The following POSTN variants were observed in gnomAD, a reference collection of about 807,000 sequenced individuals.
The protein encoded by POSTN is periostin.
POSTN carries 71 observed loss-of-function variants against 104.5 expected under a neutral mutation model. That is an observed-to-expected ratio of 0.68 (90% CI 0.56 to 0.83). The LOEUF (loss-of-function observed/expected upper bound fraction) is 0.83, where lower values mean the gene tolerates loss of function less well. Ranked by LOEUF, POSTN falls within the 40% of genes least tolerant of loss-of-function variation. The pLI is 0.00. For missense variants in POSTN, 949 were observed against 1,006.8 expected (o/e 0.94, Z 0.78); for synonymous variants, 355 against 340.7 (o/e 1.04, Z -0.46).
intron 2 of POSTN, among the ~76,000 whole-genome samples, chr13:37,596,374 G>A (rs9576313): frequency 6.6e-6 from 1 of 152,018 alleles, no homozygotes; most frequent in Middle Eastern, 3.4e-3. Context: ...CTCCCTCATT[G>A]TAAAATAAAG....
intron 16 of POSTN, 141 bp from the exon 17 acceptor site, chr13:37,574,793 G>T: frequency 8.7e-7 from 1 of 1,143,650 alleles, no homozygotes; most frequent in Non-Finnish European, 1.2e-6. Flanking sequence ...GTCAGATACA[G>T]GAAATATTTA....
At chr13:37,583,398 A>C (rs1476769942) in intron 9 of POSTN, among the ~76,000 whole-genome samples, 2 of 151,512 alleles carry the variant, frequency 1.3e-5, no homozygotes, top group Non-Finnish European at 2.9e-5. Flanking sequence ...TGTGCTGGAA[A>C]TATTAGATTC....
At chr13:37,563,463 C>A in intron 22 of POSTN, 93 bp from the exon 23 acceptor site, 1 of 663,718 alleles carries the variant, frequency 1.5e-6, no homozygotes, top group Non-Finnish European at 2.3e-6. Context: ...TATCAGAGGC[C>A]ATTATTTTTT....
chr13:37,585,372 C>T (rs1950714676), intron 7 of POSTN, among the ~76,000 whole-genome samples: 1 of 152,166 alleles, frequency 6.6e-6, no homozygotes, highest in African/African-American at 2.4e-5. Flanking sequence ...CAAGATCCCT[C>T]TCTACCAAAA....
At chr13:37,593,407 T>C (rs536586412) in intron 2 of POSTN, among the ~76,000 whole-genome samples, 1 of 151,466 alleles carries the variant, frequency 6.6e-6, no homozygotes, top group African/African-American at 2.4e-5. Context: ...TAACTCAAAT[T>C]TTACATAGTT....
chr13:37,566,279 C>T (rs1950097375), intron 21 of POSTN, among the ~76,000 whole-genome samples: 1 of 152,174 alleles, frequency 6.6e-6, no homozygotes. Context: ...AACCACCCTA[C>T]ATCTTATTTC....
rs1299505264 is a variant in POSTN, at chr13:37,569,730, C to A, written c.2347+14G>T. 1 of 1,555,418 alleles carries A rather than the reference C, an allele frequency of 6.4e-7. No homozygotes were observed. Among genetic ancestry groups the A allele is most frequent in the Non-Finnish European group, 8.9e-7 (1 of 1,128,630 alleles). ...TAGGTAAAGTCACATTCTTATTTTC[C>A]TAGAAATGCTGACCTTCTTGTAACA... On this transcript the variant is annotated intron_variant, in intron 20 of 22. Coordinates refer to ENST00000379747, the MANE Select transcript of POSTN (RefSeq NM_006475.3).
At chr13:37,570,446 T>C (rs755956134) in intron 19 of POSTN, 134 bp downstream of exon 19, 2 of 597,554 alleles carry the variant, frequency 3.3e-6, no homozygotes, top group Non-Finnish European at 5.9e-6. Context: ...ATATTATATC[T>C]GCCAAAATAT....
chr13:37,597,181 T>TA lies in POSTN; in HGVS notation c.218+2dup, dbSNP rs2138420392. The TA allele has an allele frequency of 2.6e-6, 4 of 1,535,516 alleles. No homozygotes were observed. The highest frequency in any genetic ancestry group is 3.5e-6 in the Non-Finnish European group (4 of 1,144,716). On this transcript the variant is annotated splice_region_variant and intron_variant, in intron 2 of 22. Transcript: ENST00000379747. The stretch of plus-strand genomic sequence containing the variant: ...CATATTATGAAAAAAAAAAGAGACT[T>TA]ACGTTTTCTGTCCACAGATGGACTT...
Position 37,579,291 on chromosome 13 carries a change from A to G in POSTN, c.1729T>C (p.Phe577Leu), listed in dbSNP as rs1158799898. The G allele has an allele frequency of 1.4e-5, 22 of 1,606,222 alleles. No homozygotes were observed. The highest frequency in any genetic ancestry group is 4.5e-5 in the East Asian group (2 of 44,700). ...AAAATGTTAGTAACACCAGGTTCAA[A>G]TCCTTTTCCAATGAAAACTCCTGGT... ...LTPGVFIGKG[F>L]EPGVTNILKT... The change falls in exon 13 of 23, where the codon TTT (phenylalanine) becomes CTT (leucine). Residue 577 changes from phenylalanine to leucine, a missense_variant. By Grantham distance (22) the Phe-to-Leu change is conservative. Transcript: ENST00000379747.
At chr13:37,579,630 T>C (rs978261639) in intron 12 of POSTN, among the ~76,000 whole-genome samples, 4 of 152,212 alleles carry the variant, frequency 2.6e-5, no homozygotes, top group African/African-American at 9.6e-5. Flanking sequence ...TGGTCTTTAA[T>C]AGAAACCACA....
At chr13:37,576,704 A>T (rs558325701) in intron 16 of POSTN, among the ~76,000 whole-genome samples, 3 of 152,140 alleles carry the variant, frequency 2.0e-5, no homozygotes, top group Non-Finnish European at 4.4e-5. Flanking sequence ...TTCAGAAAAC[A>T]TATTTTTTAC....
chr13:37,589,008 G>T (rs891623009), intron 4 of POSTN, among the ~76,000 whole-genome samples: 3 of 152,140 alleles, frequency 2.0e-5, no homozygotes, highest in Non-Finnish European at 4.4e-5. Context: ...GGGAGGTAAG[G>T]ATGGCTTACA....
chr13:37,590,291 A>G (rs1238297026), intron 4 of POSTN, 81 bp downstream of exon 4: 4 of 1,143,086 alleles, frequency 3.5e-6, no homozygotes, highest in Admixed American at 2.7e-5. Flanking sequence ...AATTTCTACT[A>G]ATATCCAAGT....
chr13:37,569,631 A>G, intron 20 of POSTN, 113 bp downstream of exon 20: 3 of 932,886 alleles, frequency 3.2e-6, no homozygotes, highest in Non-Finnish European at 5.2e-6. Flanking sequence ...TCTTGTTGGT[A>G]TGGAAATGAA....
At chr13:37,589,506 A>G (rs1351413066) in intron 4 of POSTN, among the ~76,000 whole-genome samples, 1 of 150,900 alleles carries the variant, frequency 6.6e-6, no homozygotes, top group Non-Finnish European at 1.5e-5. Context: ...CCCTCCTCCC[A>G]CCCCACAACA....
At chr13:37,563,468 T>A in intron 22 of POSTN, 98 bp from the exon 23 acceptor site, 3 of 586,134 alleles carry the variant, frequency 5.1e-6, no homozygotes, top group Non-Finnish European at 8.0e-6. Flanking sequence ...GAGGCCATTA[T>A]TTTTTGTAAT....
intron 21 of POSTN, among the ~76,000 whole-genome samples, chr13:37,566,379 A>G (rs1170167939): frequency 6.6e-6 from 1 of 152,182 alleles, no homozygotes; most frequent in Non-Finnish European, 1.5e-5. Context: ...GACTATGGAA[A>G]TTTAAAGTTG....
At chr13:37,581,414 T>G (rs1379312172) in intron 10 of POSTN, among the ~76,000 whole-genome samples, 1 of 152,150 alleles carries the variant, frequency 6.6e-6, no homozygotes, top group African/African-American at 2.4e-5. Context: ...TCTATAAATT[T>G]TCCTGCAGCA....
Sources: allele counts gnomAD v4.1 joint callset (sites outside exome capture counted in the v4.1 genomes callset), GRCh38; gene constraint gnomAD v4.1.1; transcripts MANE v1.5; gene names NCBI Gene and HGNC (gene_info 2026-07-23, HGNC 2026-07-21).